Variants in CDH13 observed in about 807,000 individuals in gnomAD.
CDH13 encodes cadherin 13.
A neutral mutation model predicts 63.8 loss-of-function variants in CDH13; 24 were observed. The observed-to-expected ratio is 0.38, with a 90% CI of 0.27 to 0.53. The LOEUF is 0.53. Among genes scored for constraint, CDH13 ranks in the 20% least tolerant of loss-of-function variants. The probability of loss-of-function intolerance (pLI) is 0.85; values close to 1 mark genes in which losing one functional copy is unlikely to be tolerated. For synonymous variants in CDH13, 503 were observed against 355.3 expected, an observed-to-expected ratio of 1.42 and a Z score of -4.67; for missense variants, 1,049 against 903.1, an observed-to-expected ratio of 1.16 and a Z score of -2.07.
At chr16:82,703,780 T>C (rs776758802) in intron 1 of CDH13, among the ~76,000 whole-genome samples, 1 of 152,142 alleles carries the variant, frequency 6.6e-6, no homozygotes. Context: ...GCCCCCTCTT[T>C]GCCCCCTGAA....
chr16:83,708,473 T>A (rs1907487550), intron 10 of CDH13, among the ~76,000 whole-genome samples: 1 of 152,226 alleles, frequency 6.6e-6, no homozygotes. Context: ...GCATGCTTTG[T>A]TCTCTTTCTG....
At position 83,707,855 on chromosome 16, in the gene CDH13, AAAAG is replaced by A. The variant is rs1481527116; in HGVS notation, c.1538+29396_1538+29399del. 8.1e-3 allele frequency among the ~76,000 whole-genome samples: 1,194 copies of A among 147,364 alleles called. 22 individuals are homozygous for A. The highest frequency in any genetic ancestry group is 0.029 in the African/African-American group (1,153 of 39,696). On this transcript the variant is annotated intron_variant, in intron 10 of 13. Coordinates refer to ENST00000567109, the MANE Select transcript of CDH13 (RefSeq NM_001257.5). ...TAAAGGCAAAAAAAAAAAAAAAAAA[AAAAG>A]AGCTGGGAAAGTTGAATTTTGAGGA...
chr16:83,050,212 G>C (rs1048415916), intron 3 of CDH13, among the ~76,000 whole-genome samples: 2 of 152,070 alleles, frequency 1.3e-5, no homozygotes, highest in Non-Finnish European at 2.9e-5. Flanking sequence ...CATAACTCTA[G>C]TTATAACTTG....
intron 1 of CDH13, among the ~76,000 whole-genome samples, chr16:82,855,413 T>C (rs1334796297): frequency 1.3e-5 from 2 of 152,236 alleles, no homozygotes; most frequent in South Asian, 2.1e-4. Flanking sequence ...TCCAGTTTCC[T>C]GGTCTGGGAG....
chr16:82,737,367 T>A (rs2033725843), intron 1 of CDH13, among the ~76,000 whole-genome samples: 1 of 152,186 alleles, frequency 6.6e-6, no homozygotes, highest in African/African-American at 2.4e-5. Flanking sequence ...ACTATATTTT[T>A]CTCCTTTGCC....
intron 1 of CDH13, among the ~76,000 whole-genome samples, chr16:82,738,908 A>G (rs189246173): frequency 3.9e-5 from 6 of 152,326 alleles, no homozygotes; most frequent in African/African-American, 1.2e-4. Context: ...TGGCTGTCTT[A>G]CTAACTTTTG....
chr16:83,133,498 T>C (rs2036146829), intron 4 of CDH13, among the ~76,000 whole-genome samples: 1 of 152,292 alleles, frequency 6.6e-6, no homozygotes, highest in South Asian at 2.1e-4. Context: ...CAGTCTCTCC[T>C]CAGTGGAATT....
At chr16:83,077,184 T>TTG (rs2032904785) in intron 3 of CDH13, among the ~76,000 whole-genome samples, 1 of 129,610 alleles carries the variant, frequency 7.7e-6, no homozygotes, top group Non-Finnish European at 1.6e-5. Flanking sequence ...TTTTTTTCTT[T>TTG]TCTTTTTTTT....
At chr16:83,425,123 T>A (rs2071850397) in intron 6 of CDH13, among the ~76,000 whole-genome samples, 2 of 152,134 alleles carry the variant, frequency 1.3e-5, no homozygotes, top group African/African-American at 4.8e-5. Flanking sequence ...GTCCATCGAG[T>A]TCTAAGCTAT....
intron 10 of CDH13, among the ~76,000 whole-genome samples, chr16:83,685,986 A>G (rs551083656): frequency 6.6e-6 from 1 of 152,280 alleles, no homozygotes; most frequent in South Asian, 2.1e-4. Flanking sequence ...AACTTTACCA[A>G]AAGCACTGTT....
At chr16:83,537,182 C>A (rs1423235818) in intron 7 of CDH13, among the ~76,000 whole-genome samples, 3 of 152,164 alleles carry the variant, frequency 2.0e-5, no homozygotes, top group Non-Finnish European at 4.4e-5. Context: ...CTCAAAGGCC[C>A]AGCAGGATGC....
chr16:83,661,729 A>C (rs1423055845), intron 8 of CDH13, among the ~76,000 whole-genome samples: 1 of 152,174 alleles, frequency 6.6e-6, no homozygotes, highest in Non-Finnish European at 1.5e-5. Context: ...TGGAAGGTGG[A>C]CTGTGCCAGG....
chr16:82,639,002 T>C (rs999826355), intron 1 of CDH13, among the ~76,000 whole-genome samples: 1 of 152,088 alleles, frequency 6.6e-6, no homozygotes, highest in Non-Finnish European at 1.5e-5. Context: ...GAGAAGAAGT[T>C]TTGAGTGGTG....
chr16:83,323,044 C>G (rs1347412418), intron 5 of CDH13, among the ~76,000 whole-genome samples: 1 of 152,018 alleles, frequency 6.6e-6, no homozygotes, highest in African/African-American at 2.4e-5. Flanking sequence ...ACAGGTTACT[C>G]TTGCTATCGT....
intron 7 of CDH13, among the ~76,000 whole-genome samples, chr16:83,512,243 C>T (rs1411601084): frequency 1.3e-5 from 2 of 151,136 alleles, no homozygotes; most frequent in Non-Finnish European, 2.9e-5. Flanking sequence ...ATGGCGTGAA[C>T]CCGGGAGGCG....
intron 6 of CDH13, among the ~76,000 whole-genome samples, chr16:83,486,071 A>C (rs574069229): frequency 2.0e-5 from 3 of 152,250 alleles, no homozygotes; most frequent in African/African-American, 4.8e-5. Context: ...TGAACCTGGG[A>C]GGCGGAGGTT....
chr16:83,597,479 G>A (rs1454442340), intron 7 of CDH13, among the ~76,000 whole-genome samples: 5 of 152,174 alleles, frequency 3.3e-5, no homozygotes, highest in East Asian at 3.8e-4. Context: ...ATGTACCTCC[G>A]TGTGTGTCCA....
At chr16:83,453,805 G>C (rs942150747) in intron 6 of CDH13, among the ~76,000 whole-genome samples, 12 of 152,210 alleles carry the variant, frequency 7.9e-5, no homozygotes, top group African/African-American at 2.6e-4. Context: ...TCACTTATTG[G>C]TTCACAGCCT....
At chr16:82,979,342 A>G (rs1055369491) in intron 2 of CDH13, among the ~76,000 whole-genome samples, 1 of 152,140 alleles carries the variant, frequency 6.6e-6, no homozygotes, top group African/African-American at 2.4e-5. Flanking sequence ...ATGTGAGTAC[A>G]CGGGATTTTG....
Sources: allele counts gnomAD v4.1 joint callset (sites outside exome capture counted in the v4.1 genomes callset), GRCh38; gene constraint gnomAD v4.1.1; transcripts MANE v1.5; gene names NCBI Gene and HGNC (gene_info 2026-07-23, HGNC 2026-07-21).